Variants in TMEM108 observed in about 807,000 individuals in gnomAD.
TMEM108 encodes transmembrane protein 108.
Under a neutral mutation model 35.1 loss-of-function variants are expected in TMEM108, and 12 were observed. That is an observed-to-expected ratio of 0.34 (90% CI 0.22 to 0.55). The LOEUF (loss-of-function observed/expected upper bound fraction) is 0.55. Among genes scored for constraint, TMEM108 ranks in the 20% least tolerant of loss-of-function variants. TMEM108 has a pLI of 0.89. For synonymous variants in TMEM108, 287 were observed against 308.6 expected, an observed-to-expected ratio of 0.93 and a Z score of 0.73; for missense variants, 680 against 753.3, an observed-to-expected ratio of 0.90 and a Z score of 1.14.
At chr3:133,302,808 A>G (rs1191422335) in intron 3 of TMEM108, among the ~76,000 whole-genome samples, 1 of 152,140 alleles carries the variant, frequency 6.6e-6, no homozygotes, top group East Asian at 1.9e-4. Flanking sequence ...CTTTAGATCA[A>G]TGTTATCCTA....
At chr3:133,288,023 G>C (rs749413386) in intron 3 of TMEM108, among the ~76,000 whole-genome samples, 13 of 152,196 alleles carry the variant, frequency 8.5e-5, no homozygotes, top group Non-Finnish European at 2.9e-5. Context: ...GACAATTTCA[G>C]TTGCATTTTA....
intron 3 of TMEM108, among the ~76,000 whole-genome samples, chr3:133,307,953 T>C (rs1318547064): frequency 3.3e-5 from 5 of 152,184 alleles, no homozygotes; most frequent in Non-Finnish European, 7.3e-5. Context: ...CCTTGGGCAG[T>C]ATGGCCATTT....
intron 2 of TMEM108, among the ~76,000 whole-genome samples, chr3:133,148,602 A>G (rs1944754683): frequency 6.6e-6 from 1 of 152,214 alleles, no homozygotes; most frequent in African/African-American, 2.4e-5. Context: ...AAATCCTATT[A>G]ACAGGACTTC....
intron 4 of TMEM108, among the ~76,000 whole-genome samples, chr3:133,382,212 A>G (rs1320834885): frequency 6.6e-6 from 1 of 151,886 alleles, no homozygotes; most frequent in Non-Finnish European, 1.5e-5. Context: ...CCACCCTCAT[A>G]TCCCCGCTCC....
intron 3 of TMEM108, among the ~76,000 whole-genome samples, chr3:133,306,965 TTAAC>T (rs1449100019): frequency 9.9e-5 from 15 of 152,200 alleles, no homozygotes; most frequent in African/African-American, 3.6e-4. Flanking sequence ...CCATAATAGT[TTAAC>T]TAATTTACAC....
intron 3 of TMEM108, among the ~76,000 whole-genome samples, chr3:133,354,151 T>G (rs1442526341): frequency 6.6e-6 from 1 of 152,248 alleles, no homozygotes; most frequent in East Asian, 1.9e-4. Context: ...AACTTATGTC[T>G]GTGCCTGTTC....
intron 3 of TMEM108, among the ~76,000 whole-genome samples, chr3:133,243,153 T>C (rs1946336361): frequency 6.6e-6 from 1 of 152,098 alleles, no homozygotes; most frequent in African/African-American, 2.4e-5. Context: ...ATTGTTCAGA[T>C]TCCAGTTGCT....
chr3:133,381,145 G>A lies in TMEM108; in HGVS notation c.1434G>A (p.Val478=). 1 of 1,602,188 alleles carries A rather than the reference G, an allele frequency of 6.2e-7. No homozygotes were observed. Among genetic ancestry groups the A allele is most frequent in the African/African-American group, 1.3e-5 (1 of 74,868 alleles). ...CCTGGGTGATCCTGGCCATCAGCGT[G>A]CCCATCTCCTCCTGCTGTAAGTGCC... ...DIAWVILAIS[V]PISSCSVLLT... is the part of the protein sequence containing the mutation. The change falls in exon 4 of 6, where the codon GTG becomes GTA. Residue 478 remains valine (V), a synonymous_variant. Coordinates refer to ENST00000321871, the MANE Select transcript of TMEM108 (RefSeq NM_023943.4).
chr3:133,397,667 A>G lies in TMEM108; in HGVS notation c.*1681A>G, dbSNP rs557031136. The G allele has an allele frequency of 2.5e-4, 38 of 152,288 alleles. No homozygotes were observed. The highest frequency in any genetic ancestry group is 8.4e-4 in the African/African-American group (35 of 41,582). 9.4% of individuals were successfully genotyped at this position (152,288 alleles called of 1,614,324 possible). On this transcript the variant is annotated 3_prime_UTR_variant, in exon 6 of 6. Coordinates refer to ENST00000321871, the MANE Select transcript of TMEM108 (RefSeq NM_023943.4). ...AATTTATATATAATATATGTAATCA[A>G]AGATACATATGTTATATATACATAT...
chr3:133,167,448 G>A (rs550656143), intron 2 of TMEM108, among the ~76,000 whole-genome samples: 50 of 152,390 alleles, frequency 3.3e-4, no homozygotes, highest in African/African-American at 1.1e-3. Flanking sequence ...AGAGCAGGGG[G>A]TGGTGCCCGT....
chr3:133,238,782 A>T (rs1307111949), intron 3 of TMEM108, among the ~76,000 whole-genome samples: 2 of 152,236 alleles, frequency 1.3e-5, no homozygotes, highest in Non-Finnish European at 2.9e-5. Context: ...GATATGAATT[A>T]TAAATGACAT....
At chr3:133,126,590 A>C (rs1944420847) in intron 2 of TMEM108, among the ~76,000 whole-genome samples, 1 of 152,024 alleles carries the variant, frequency 6.6e-6, no homozygotes, top group Non-Finnish European at 1.5e-5. Flanking sequence ...ATATAATTTT[A>C]AATTTTCTAG....
intron 2 of TMEM108, among the ~76,000 whole-genome samples, chr3:133,223,548 A>G (rs779310095): frequency 1.9e-4 from 29 of 152,168 alleles, no homozygotes; most frequent in Non-Finnish European, 3.5e-4. Context: ...ATCCTCGTAA[A>G]TTATTCTCTG....
intron 2 of TMEM108, among the ~76,000 whole-genome samples, chr3:133,077,036 A>G (rs1173904034): frequency 6.6e-6 from 1 of 152,232 alleles, no homozygotes; most frequent in African/African-American, 2.4e-5. Flanking sequence ...CTAGAGCCCA[A>G]GAAGCAGATA....
intron 2 of TMEM108, among the ~76,000 whole-genome samples, chr3:133,127,888 G>A (rs1340941253): frequency 6.6e-6 from 1 of 152,176 alleles, no homozygotes; most frequent in Non-Finnish European, 1.5e-5. Context: ...TTTGCCCCTT[G>A]CTCCAGATTT....
chr3:133,366,224 T>C (rs924631990), intron 3 of TMEM108, among the ~76,000 whole-genome samples: 11 of 152,214 alleles, frequency 7.2e-5, no homozygotes, highest in Admixed American at 5.9e-4. Flanking sequence ...TTTATGCCTA[T>C]GGATAAACTT....
In TMEM108 at chr3:133,256,248, G is replaced by A. The variant is rs146845202; in HGVS notation, c.40+26897G>A. Among the ~76,000 whole-genome samples the A allele has an allele frequency of 2.5e-3, 376 of 152,220 alleles. 1 individual carries two copies. Among genetic ancestry groups the A allele is most frequent in the African/African-American group, 8.6e-3 (356 of 41,522 alleles). On this transcript the variant is annotated intron_variant, in intron 3 of 5. Transcript: ENST00000321871. ...TGATCAAATAATCATTAAAGCACGA[G>A]GGTAAAATAAAGACATTTTCAGATA...
At chr3:133,177,284 A>G (rs1430042434) in intron 2 of TMEM108, among the ~76,000 whole-genome samples, 1 of 152,208 alleles carries the variant, frequency 6.6e-6, no homozygotes, top group East Asian at 1.9e-4. Flanking sequence ...CAATCAATAG[A>G]AAAAGAGGGA....
At chr3:133,321,984 T>G (rs2071273010) in intron 3 of TMEM108, among the ~76,000 whole-genome samples, 1 of 152,178 alleles carries the variant, frequency 6.6e-6, no homozygotes, top group Admixed American at 6.5e-5. Flanking sequence ...AACTGAATGA[T>G]AATTTTGACA....
Sources: allele counts gnomAD v4.1 joint callset (sites outside exome capture counted in the v4.1 genomes callset), GRCh38; gene constraint gnomAD v4.1.1; transcripts MANE v1.5; gene names NCBI Gene and HGNC (gene_info 2026-07-23, HGNC 2026-07-21).